ANO1: variants seen among roughly 807,000 people sequenced by gnomAD.
ANO1 encodes anoctamin 1, also known as anoctamin-1.
In ANO1, 59 loss-of-function variants were observed where a neutral mutation model predicts 124.0. The ratio of observed to expected loss-of-function variants is 0.48; its 90% CI spans 0.39 to 0.59. The LOEUF (loss-of-function observed/expected upper bound fraction) is 0.59, where lower values mean the gene tolerates loss of function less well. Among genes scored for constraint, ANO1 ranks in the 20% least tolerant of loss-of-function variants. ANO1 has a pLI of 0.00. For synonymous variants in ANO1, 529 were observed against 532.0 expected (o/e 0.99, Z 0.08); for missense variants, 1,059 against 1,328.0 (o/e 0.80, Z 3.15).
the ANO1 span, among the ~76,000 whole-genome samples, chr11:69,979,038 C>A: frequency 6.6e-6 from 1 of 152,074 alleles, no homozygotes; most frequent in Non-Finnish European, 1.5e-5. Context: ...TCGAGCGATG[C>A]GGGCAACCTC....
intron 5 of ANO1, chr11:70,108,061 C>T (rs151148907): frequency 0.021 from 8,902 of 418,546 alleles, 143 homozygotes; most frequent in Non-Finnish European, 0.028. Flanking sequence ...CAGGAGGGCA[C>T]GGCAGTGCTT....
chr11:70,136,296 G>A (rs116129339), intron 11 of ANO1, among the ~76,000 whole-genome samples: 6 of 152,122 alleles, frequency 3.9e-5, no homozygotes, highest in South Asian at 2.1e-4. Context: ...TCTCAAACTC[G>A]GTCCCACAGG....
intron 1 of ANO1, among the ~76,000 whole-genome samples, chr11:70,027,284 C>T (rs1295579947): frequency 6.6e-6 from 1 of 152,190 alleles, no homozygotes; most frequent in African/African-American, 2.4e-5. Flanking sequence ...CCCACCTTAC[C>T]GTGCTCCAAA....
At chr11:69,998,792 A>G (rs953754694) in intron 1 of ANO1, among the ~76,000 whole-genome samples, 2 of 152,128 alleles carry the variant, frequency 1.3e-5, no homozygotes, top group Admixed American at 6.5e-5. Context: ...TACTAAAAAT[A>G]CAAAAATTGG....
intron 1 of ANO1, among the ~76,000 whole-genome samples, chr11:70,017,655 C>T (rs7951492): frequency 0.23 from 35,639 of 151,808 alleles, 4,352 homozygotes; most frequent in Admixed American, 0.27. Flanking sequence ...GCTGGGATTA[C>T]GGGTGTGCAC....
intron 1 of ANO1, among the ~76,000 whole-genome samples, chr11:70,083,525 T>G (rs1439597495): frequency 6.6e-6 from 1 of 152,184 alleles, no homozygotes; most frequent in East Asian, 1.9e-4. Context: ...TGTCCCTTGA[T>G]AGGCCCCCAG....
In ANO1 at chr11:70,161,267, TCA is replaced by T. The variant is rs745950275; in HGVS notation, c.1688_1689del (p.Thr563SerfsTer40). The T allele has an allele frequency of 6.2e-7, 1 of 1,613,620 alleles. No homozygotes were observed. The highest frequency in any genetic ancestry group is 1.1e-5 in the South Asian group (1 of 91,064). The stretch of plus-strand genomic sequence containing the variant: ...CCCTCCGTGCGGTCCAACATCCGGG[TCA>T]CAGTCACAGCCACCGCAGTCATCAT... On this transcript the variant is annotated frameshift_variant, in exon 17 of 26. Coordinates refer to ENST00000355303, the MANE Select transcript of ANO1 (RefSeq NM_018043.7). LOFTEE classifies it high-confidence loss of function.
At chr11:70,054,681 A>T (rs979172747) in intron 1 of ANO1, among the ~76,000 whole-genome samples, 1 of 152,352 alleles carries the variant, frequency 6.6e-6, no homozygotes, top group African/African-American at 2.4e-5. Context: ...GAGTTTTATC[A>T]ATTTTATTAG....
At chr11:70,000,686 C>G (rs1856366876) in intron 1 of ANO1, among the ~76,000 whole-genome samples, 1 of 151,410 alleles carries the variant, frequency 6.6e-6, no homozygotes, top group Admixed American at 6.6e-5. Context: ...CACACACATC[C>G]AAAGCCATGA....
intron 23 of ANO1, 54 bp from the exon 24 acceptor site, chr11:70,182,448 G>A: frequency 7.0e-6 from 10 of 1,421,594 alleles, no homozygotes; most frequent in South Asian, 1.6e-5. Flanking sequence ...TGTTGCGGCC[G>A]GCCCTTCTGC....
At chr11:70,178,362 G>A (rs983601369) in intron 22 of ANO1, among the ~76,000 whole-genome samples, 2 of 152,174 alleles carry the variant, frequency 1.3e-5, no homozygotes, top group Non-Finnish European at 2.9e-5. Flanking sequence ...CAGAGCCCAT[G>A]TGACTGCCCC....
chr11:70,084,589 C>T (rs1280640412), intron 1 of ANO1, among the ~76,000 whole-genome samples: 4 of 152,132 alleles, frequency 2.6e-5, no homozygotes, highest in Admixed American at 2.0e-4. Flanking sequence ...TGGAGAGGGG[C>T]CAAGCCTAGA....
intron 15 of ANO1, among the ~76,000 whole-genome samples, chr11:70,156,461 T>G (rs1276104889): frequency 6.6e-6 from 1 of 152,230 alleles, no homozygotes; most frequent in African/African-American, 2.4e-5. Flanking sequence ...CTTCAGGACA[T>G]GTGTCACCGC....
At chr11:69,996,672 T>C (rs1224849597) in intron 1 of ANO1, among the ~76,000 whole-genome samples, 1 of 152,100 alleles carries the variant, frequency 6.6e-6, no homozygotes, top group Admixed American at 6.6e-5. Flanking sequence ...ATTCCTCAGG[T>C]CACACAGCAG....
chr11:70,135,984 G>C lies in ANO1; in HGVS notation c.1258+3905G>C, dbSNP rs536690442. On this transcript the variant is annotated intron_variant, in intron 11 of 25. Transcript: ENST00000355303. ...TGGGAGTGCCTACTGGGCAGGCATG[G>C]GTGCCGCAGCCACAGAACGAGCCCC... 3.1e-3 allele frequency among the ~76,000 whole-genome samples: 472 copies of C among 152,320 alleles called. 3 individuals carry two copies. Among genetic ancestry groups the C allele is most frequent in the South Asian group, 4.8e-3 (23 of 4,824 alleles).
At chr11:70,069,057 C>A (rs1378679312) in intron 1 of ANO1, among the ~76,000 whole-genome samples, 1 of 152,226 alleles carries the variant, frequency 6.6e-6, no homozygotes, top group Non-Finnish European at 1.5e-5. Context: ...TCCACAGGGT[C>A]CCCCTGCCTT....
At chr11:69,967,962 G>C in the ANO1 span, among the ~76,000 whole-genome samples, 2 of 152,228 alleles carry the variant, frequency 1.3e-5, no homozygotes, top group Non-Finnish European at 2.9e-5. Context: ...TGGGCCTGCT[G>C]TGTCTCGCAT....
At chr11:70,119,136 G>A (rs560225364) in intron 8 of ANO1, among the ~76,000 whole-genome samples, 1 of 146,142 alleles carries the variant, frequency 6.8e-6, no homozygotes, top group African/African-American at 2.5e-5. Context: ...GAGTGGGTGG[G>A]TGGATGGATG....
rs544177911 is a variant in ANO1, at chr11:70,161,906, G to A, written c.1892+173G>A. On this transcript the variant is annotated intron_variant, in intron 18 of 25. Transcript: ENST00000355303. ...GGCCCTGCTGAGGCTCCAGAGCAGCGGGACCCTGGGCAGCAGGGAGTCCAG... is the reference window on the plus strand; with the variant it reads ...GGCCCTGCTGAGGCTCCAGAGCAGCAGGACCCTGGGCAGCAGGGAGTCCAG... 2.7e-4 allele frequency among the ~76,000 whole-genome samples: 41 copies of A among 152,310 alleles called. No homozygotes were observed. The Middle Eastern group carries it at 0.014, about 51-fold the overall frequency.
Sources: gnomAD v4.1 joint callset for allele counts (sites outside exome capture counted in the v4.1 genomes callset) on GRCh38, gnomAD v4.1.1 for gene constraint, MANE v1.5 for transcripts, NCBI Gene and HGNC (gene_info 2026-07-23, HGNC 2026-07-21) for gene names.